The following IGSF9B variants were observed in gnomAD, a reference collection of about 807,000 sequenced individuals.
IGSF9B encodes protein turtle homolog B.
Under a neutral mutation model 143.7 loss-of-function variants are expected in IGSF9B, and 48 were observed. The ratio of observed to expected loss-of-function variants is 0.33; its 90% CI spans 0.26 to 0.42. The LOEUF (loss-of-function observed/expected upper bound fraction) is 0.42. IGSF9B is among the 20% of genes least tolerant of loss of function. IGSF9B has a pLI of 1.00. For missense variants in IGSF9B, 1,706 were observed against 1,980.0 expected, an observed-to-expected ratio of 0.86 and a Z score of 2.63; for synonymous variants, 903 against 833.1, an observed-to-expected ratio of 1.08 and a Z score of -1.44.
chr11:133,922,519 G>A, intron 16 of IGSF9B, 50 bp downstream of exon 16: 1 of 1,569,692 alleles, frequency 6.4e-7, no homozygotes, highest in Non-Finnish European at 8.7e-7. Context: ...CTTGATGGGG[G>A]GCATTTGAAA....
intron 1 of IGSF9B, among the ~76,000 whole-genome samples, chr11:133,952,518 C>T (rs1274714054): frequency 6.6e-6 from 1 of 152,196 alleles, no homozygotes; most frequent in African/African-American, 2.4e-5. Context: ...ACTTCCCCAC[C>T]CTGCCACTCC....
At chr11:133,939,673 C>T (rs555858707) in intron 3 of IGSF9B, among the ~76,000 whole-genome samples, 1 of 152,396 alleles carries the variant, frequency 6.6e-6, no homozygotes, top group East Asian at 1.9e-4. Context: ...GCAGCAGGGG[C>T]GCACGGAGGG....
rs1939741522 is a variant in IGSF9B at position 133,932,056 on chromosome 11, G to T, written c.1110+15C>A. 6.2e-7 allele frequency: 1 copy of T among 1,602,502 alleles called. No individual in the cohort carries two copies. Among genetic ancestry groups the T allele is most frequent in the Non-Finnish European group, 8.5e-7 (1 of 1,171,810 alleles). ...GAGCCCTCACTCCAACCCTCAACAT[G>T]CATCTCTCTAGCACCTTCTCAACCT... On this transcript the variant is annotated intron_variant, in intron 8 of 19. Transcript: ENST00000533871.
In IGSF9B at chr11:133,911,899, T is replaced by C; in HGVS notation, c.4092A>G (p.Ser1364=). ...CCCATCATTTACCGGATCGTTTCTT[T>C]GACTTCGAAGAGCCCTTGGATGACT... ...PKKSSKGSSK[S]KKRSDDSASQ... Residue 1364 remains serine, a synonymous_variant, in exon 19 of 20, where the codon TCA becomes TCG. Coordinates refer to ENST00000533871, the MANE Select transcript of IGSF9B (RefSeq NM_001277285.4). The C allele has an allele frequency of 1.3e-6, 2 of 1,530,626 alleles. No homozygotes were observed. The highest frequency in any genetic ancestry group is 2.0e-5 in the Admixed American group (1 of 49,380). 94.8% of individuals were successfully genotyped at this position (1,530,626 alleles called of 1,614,324 possible).
Position 133,951,565 on chromosome 11 carries a change from C to G in IGSF9B, c.64+5126G>C, listed in dbSNP as rs143217101. 2.5e-3 allele frequency among the ~76,000 whole-genome samples: 377 copies of G among 152,310 alleles called. 1 individual carries two copies. Among genetic ancestry groups the G allele is most frequent in the African/African-American group, 8.2e-3 (340 of 41,564 alleles). ...GCTATTAGCAACCTTAATTTGCTCT[C>G]GGCTAGATTGTATTTCCAAGAGTCC... On this transcript the variant is annotated intron_variant, in intron 1 of 19. Transcript: ENST00000533871.
chr11:133,914,574 C>T lies in IGSF9B; in HGVS notation c.3984-2567G>A, dbSNP rs370212972. ...AGTGACCAGAAGCAGCCGATTTTCC[C>T]TTGAGAAACAGCCAAGCTCCAGCCC... is the stretch of plus-strand genomic sequence containing the variant. On this transcript the variant is annotated intron_variant, in intron 18 of 19. Transcript: ENST00000533871. 6.8e-4 allele frequency among the ~76,000 whole-genome samples: 103 copies of T among 152,234 alleles called. 3 individuals are homozygous for T. The South Asian group carries it at 0.021, about 31-fold the overall frequency.
In IGSF9B at chr11:133,920,356, G is replaced by C. The variant is rs1392257124; in HGVS notation, c.3369C>G (p.Asp1123Glu). The change falls in exon 18 of 20, where the codon GAC becomes GAG. Residue 1123 changes from aspartate (D) to glutamate (E), a missense_variant. By Grantham distance (45) the Asp-to-Glu change is conservative. Transcript: ENST00000533871. ...GGCTTACCAGAGGTTGCATAGGTCT[G>C]TCCTGCCACTTGGCGGCGGGGGGCG... ...VPAPPAAKWQ[D>E]RPMQPLVSQG... 49 of 1,605,554 alleles carry C rather than the reference G, an allele frequency of 3.1e-5. No homozygotes were observed. Among genetic ancestry groups the C allele is most frequent in the Non-Finnish European group, 4.1e-5 (48 of 1,176,236 alleles).
chr11:133,949,045 C>A (rs938737971), intron 1 of IGSF9B, among the ~76,000 whole-genome samples: 1 of 152,180 alleles, frequency 6.6e-6, no homozygotes, highest in African/African-American at 2.4e-5. Flanking sequence ...CCCCAGCCAG[C>A]CCCTGGGCTA....
rs140129481 is a variant in IGSF9B at position 133,939,834 on chromosome 11, C to T, written c.410-1873G>A. Among the ~76,000 whole-genome samples, 379 of 150,240 alleles carry T rather than the reference C, an allele frequency of 2.5e-3. 3 individuals are homozygous for T. The highest frequency in any genetic ancestry group is 8.7e-3 in the African/African-American group (356 of 40,724). ...CAGAAACATACACCTTGCATGTCCT[C>T]GCACGCGTCATCACACGCACAAACA... On this transcript the variant is annotated intron_variant, in intron 3 of 19. Transcript: ENST00000533871.
chr11:133,956,768 C>T lies in IGSF9B; in HGVS notation c.-14G>A. The stretch of plus-strand genomic sequence containing the variant: ...ATACCAAATCATAGTACTACCGCGC[C>T]AGCCCGGAGCCTCATCCTATCGCAA... On this transcript the variant is annotated 5_prime_UTR_variant, in exon 1 of 20. Transcript: ENST00000533871. 1 of 1,490,024 alleles carries T rather than the reference C, an allele frequency of 6.7e-7. No homozygotes were observed. The highest frequency in any genetic ancestry group is 2.2e-5 in the Admixed American group (1 of 45,682). The allele number at this position is 1,490,024 out of a possible 1,614,324, so 92.3% of individuals were successfully genotyped here. A position where few individuals can be genotyped will look rare whatever the true frequency, so the allele number is the denominator to read the frequency against.
chr11:133,955,929 T>G (rs1940244193), intron 1 of IGSF9B, among the ~76,000 whole-genome samples: 1 of 150,366 alleles, frequency 6.7e-6, no homozygotes, highest in African/African-American at 2.4e-5. Flanking sequence ...CCCAGCCAGC[T>G]CTGCCTCGCA....
chr11:133,910,613 G>A (rs758809557), intron 19 of IGSF9B, among the ~76,000 whole-genome samples: 5 of 152,074 alleles, frequency 3.3e-5, no homozygotes, highest in Non-Finnish European at 2.9e-5. Context: ...TTTAGACATC[G>A]TAAAGGCGTA....
Position 133,931,782 on chromosome 11 carries a change from G to C in IGSF9B, c.1124C>G (p.Thr375Ser), listed in dbSNP as rs747729889. The change falls in exon 9 of 20, where the codon ACC becomes AGC. Residue 375 changes from threonine (T) to serine (S), a missense_variant. Thr to Ser is a moderately conservative substitution (Grantham distance 58). Transcript: ENST00000533871. The surrounding 1 kb of genome is among the most constrained non-coding windows in gnomAD (Gnocchi z 7.7). Reference protein sequence around the residue: ...PLQVEKNLGWTLMEDGSIRIE... With the variant: ...PLQVEKNLGWSLMEDGSIRIE... ...TCGAATGGAGCCATCCTCCATCAGG[G>C]TCCAACCGAGGTTCTGCCAGACACA... is the stretch of plus-strand genomic sequence containing the variant. 2.5e-6 allele frequency: 4 copies of C among 1,612,180 alleles called. No homozygotes were observed. The highest frequency in any genetic ancestry group is 3.4e-6 in the Non-Finnish European group (4 of 1,179,432).
chr11:133,901,849 ACG>A lies in IGSF9B; in HGVS notation c.*7218_*7219del, dbSNP rs1160303086. Among the ~76,000 whole-genome samples, 23 of 146,148 alleles carry A rather than the reference ACG, an allele frequency of 1.6e-4. No homozygotes were observed. Among genetic ancestry groups the A allele is most frequent in the East Asian group, 6.2e-4 (3 of 4,848 alleles). Reference sequence around the variant, plus strand: ...ACACACAAACACACACACACCACACACGCACCACACACGCACCACACACGCAC... The same window carrying A: ...ACACACAAACACACACACACCACACACACCACACACGCACCACACACGCAC... On this transcript the variant is annotated 3_prime_UTR_variant, in exon 20 of 20. Coordinates refer to ENST00000533871, the MANE Select transcript of IGSF9B (RefSeq NM_001277285.4).
chr11:133,918,525 CA>C (rs1939439295), intron 18 of IGSF9B, among the ~76,000 whole-genome samples: 1 of 152,168 alleles, frequency 6.6e-6, no homozygotes, highest in Non-Finnish European at 1.5e-5. Flanking sequence ...CACCTCCGCG[CA>C]CAGGCGGCGG....
At chr11:133,914,899 C>T (rs1053261345) in intron 18 of IGSF9B, among the ~76,000 whole-genome samples, 10 of 152,304 alleles carry the variant, frequency 6.6e-5, no homozygotes, top group Non-Finnish European at 1.2e-4. Context: ...TTGTTGCCAA[C>T]GCCAGCCCCA....
At chr11:133,924,591 T>C (rs1278735268) in intron 15 of IGSF9B, among the ~76,000 whole-genome samples, 3 of 152,186 alleles carry the variant, frequency 2.0e-5, no homozygotes, top group African/African-American at 4.8e-5. Flanking sequence ...GTGGCTGTCT[T>C]ATACAAGTGT....
chr11:133,950,341 C>A (rs1185635562), intron 1 of IGSF9B, among the ~76,000 whole-genome samples: 1 of 152,218 alleles, frequency 6.6e-6, no homozygotes, highest in African/African-American at 2.4e-5. Context: ...GCTGTGAATG[C>A]CTGCTGCACC....
intron 11 of IGSF9B, 60 bp from the exon 12 acceptor site, chr11:133,929,842 C>T (rs1196356521): frequency 1.8e-6 from 2 of 1,134,318 alleles, no homozygotes; most frequent in Admixed American, 3.5e-5. Context: ...GCTGGGTGCC[C>T]ACCGTCTGGC....
Sources: gnomAD v4.1 joint callset for allele counts (sites outside exome capture counted in the v4.1 genomes callset) on GRCh38, gnomAD v4.1.1 for gene constraint, Gnocchi (gnomAD v3.1) non-coding constraint, MANE v1.5 for transcripts, NCBI Gene and HGNC (gene_info 2026-07-23, HGNC 2026-07-21) for gene names.